The following LTBP2 variants were observed in gnomAD, a reference collection of about 807,000 sequenced individuals.
The protein encoded by LTBP2 is latent-transforming growth factor beta-binding protein 2.
LTBP2 carries 103 observed loss-of-function variants against 210.6 expected under a neutral mutation model. The ratio of observed to expected loss-of-function variants is 0.49; its 90% CI spans 0.42 to 0.58. LTBP2 has a LOEUF of 0.58. Among genes scored for constraint, LTBP2 ranks in the 20% least tolerant of loss-of-function variants. LTBP2 has a pLI of 0.00. For synonymous variants in LTBP2, 1,007 were observed against 1,015.0 expected, an observed-to-expected ratio of 0.99 and a Z score of 0.15; for missense variants, 2,313 against 2,494.5, an observed-to-expected ratio of 0.93 and a Z score of 1.55.
At chr14:74,556,553 G>A (rs916737706) in intron 3 of LTBP2, among the ~76,000 whole-genome samples, 1 of 152,200 alleles carries the variant, frequency 6.6e-6, no homozygotes, top group Admixed American at 6.5e-5. Context: ...TTTTGCTCTC[G>A]TTGCCCAAGC....
intron 31 of LTBP2, 32 bp downstream of exon 31, chr14:74,503,894 G>A (rs2086948316): frequency 6.2e-7 from 1 of 1,613,108 alleles, no homozygotes; most frequent in Non-Finnish European, 8.5e-7. Context: ...CTGTGGGCCT[G>A]GGGTGGGGGC....
At chr14:74,503,796 G>T in intron 31 of LTBP2, 130 bp downstream of exon 31, 1 of 1,439,156 alleles carries the variant, frequency 6.9e-7, no homozygotes, top group Non-Finnish European at 9.5e-7. Flanking sequence ...CCTGGGACCA[G>T]CCTGCTGCAG....
At chr14:74,577,226 C>A (rs1006625324) in intron 3 of LTBP2, among the ~76,000 whole-genome samples, 25 of 152,280 alleles carry the variant, frequency 1.6e-4, no homozygotes, top group African/African-American at 6.0e-4. Context: ...GAGAAGGGCT[C>A]AACCCTCGGA....
intron 12 of LTBP2, among the ~76,000 whole-genome samples, 153 bp downstream of exon 12, chr14:74,528,330 T>C (rs2087301954): frequency 6.6e-6 from 1 of 152,224 alleles, no homozygotes. Flanking sequence ...GAGAGAAGGC[T>C]GCCAGGGTTG....
intron 17 of LTBP2, among the ~76,000 whole-genome samples, chr14:74,518,009 C>T (rs555412742): frequency 1.3e-5 from 2 of 152,370 alleles, no homozygotes; most frequent in African/African-American, 4.8e-5. Context: ...CCTTTGTTCA[C>T]ACAAATGCTT....
At chr14:74,524,053 TA>T (rs2087241056) in intron 15 of LTBP2, among the ~76,000 whole-genome samples, 1 of 151,946 alleles carries the variant, frequency 6.6e-6, no homozygotes, top group South Asian at 2.1e-4. Flanking sequence ...AGAAGGGGGA[TA>T]GGGCAAAAGG....
chr14:74,562,936 G>C (rs1473802221), intron 3 of LTBP2, among the ~76,000 whole-genome samples: 2 of 152,286 alleles, frequency 1.3e-5, no homozygotes, highest in East Asian at 1.9e-4. Flanking sequence ...TAAACCTTCT[G>C]TGGTAGGTGT....
chr14:74,504,138 G>C, intron 30 of LTBP2, 84 bp from the exon 31 acceptor site: 8 of 1,553,212 alleles, frequency 5.2e-6, no homozygotes, highest in Non-Finnish European at 7.0e-6. Context: ...GCCAGGCTGG[G>C]TTTGAATCCC....
chr14:74,514,961 GGT>G (rs1049063668), intron 18 of LTBP2, among the ~76,000 whole-genome samples: 7 of 152,144 alleles, frequency 4.6e-5, no homozygotes, highest in African/African-American at 1.7e-4. Flanking sequence ...TCCCAGATGA[GGT>G]GTGTGTCTAG....
intron 3 of LTBP2, among the ~76,000 whole-genome samples, chr14:74,577,010 G>T (rs948280109): frequency 2.6e-5 from 4 of 152,168 alleles, no homozygotes; most frequent in Admixed American, 2.0e-4. Flanking sequence ...GTGATGTTAA[G>T]TGGCTTGCCC....
At chr14:74,503,097 G>A (rs1048810955) in intron 33 of LTBP2, 122 bp downstream of exon 33, 2 of 1,513,902 alleles carry the variant, frequency 1.3e-6, no homozygotes, top group Non-Finnish European at 1.8e-6. Context: ...CCAAACAGCA[G>A]GGATGGAAGA....
chr14:74,505,572 C>A (rs1488418160), intron 28 of LTBP2, among the ~76,000 whole-genome samples: 1 of 152,104 alleles, frequency 6.6e-6, no homozygotes, highest in Admixed American at 6.5e-5. Flanking sequence ...GCCCCTCCCA[C>A]CCTTCCTCGT....
Position 74,504,072 on chromosome 14 carries a change from GAGGTGAGAGGA to G in LTBP2, c.4454-29_4454-19del, listed in dbSNP as rs756099075. On this transcript the variant is annotated intron_variant, in intron 30 of 35. Transcript: ENST00000261978. ...ATCCGCATCTGTGGAAGGCAGAGCTGAGGTGAGAGGAAGGTGAGAGGCAGTATGAGGGGTAC... is the reference window on the plus strand; with the variant it reads ...ATCCGCATCTGTGGAAGGCAGAGCTGAGGTGAGAGGCAGTATGAGGGGTAC... 4.3e-6 allele frequency: 7 copies of G among 1,613,410 alleles called. No individual in the cohort carries two copies. Among genetic ancestry groups the G allele is most frequent in the East Asian group, 4.5e-5 (2 of 44,866 alleles).
At chr14:74,515,107 T>G (rs1239010792) in intron 18 of LTBP2, among the ~76,000 whole-genome samples, 6 of 152,202 alleles carry the variant, frequency 3.9e-5, no homozygotes, top group African/African-American at 1.2e-4. Flanking sequence ...CCTAGCACTT[T>G]GTATACATTA....
At chr14:74,604,152 AT>A in intron 1 of LTBP2, among the ~76,000 whole-genome samples, 1 of 124,152 alleles carries the variant, frequency 8.1e-6, no homozygotes, top group African/African-American at 2.8e-5. Flanking sequence ...CCAACTCTAC[AT>A]TGCCTCTCAC....
chr14:74,579,235 C>A (rs1213867546), intron 3 of LTBP2, among the ~76,000 whole-genome samples: 2 of 152,218 alleles, frequency 1.3e-5, no homozygotes, highest in African/African-American at 4.8e-5. Context: ...GCTGCCTTCC[C>A]CGCACCTTTG....
intron 8 of LTBP2, among the ~76,000 whole-genome samples, chr14:74,538,013 C>A (rs1228717674): frequency 6.6e-6 from 1 of 152,206 alleles, no homozygotes; most frequent in African/African-American, 2.4e-5. Flanking sequence ...CTTTGGCCTC[C>A]CAAAGTGCTG....
chr14:74,603,501 A>T, intron 2 of LTBP2, 134 bp downstream of exon 2: 1 of 858,360 alleles, frequency 1.2e-6, no homozygotes, highest in Admixed American at 1.9e-5. Flanking sequence ...CTGCATCTTC[A>T]GGACGCAGAC....
intron 3 of LTBP2, among the ~76,000 whole-genome samples, chr14:74,568,397 C>A (rs2087931672): frequency 6.6e-6 from 1 of 151,990 alleles, no homozygotes; most frequent in Non-Finnish European, 1.5e-5. Context: ...GGCTGGATCA[C>A]TGGGGAATGC....
Sources: gnomAD v4.1 joint callset for allele counts (sites outside exome capture counted in the v4.1 genomes callset) on GRCh38, gnomAD v4.1.1 for gene constraint, MANE v1.5 for transcripts, NCBI Gene and HGNC (gene_info 2026-07-23, HGNC 2026-07-21) for gene names.